The following DNAH5 variants were observed in gnomAD, a reference collection of about 807,000 sequenced individuals.
The protein encoded by DNAH5 is axonemal beta dynein heavy chain 5.
A neutral mutation model predicts 518.2 loss-of-function variants in DNAH5; 372 were observed. That is an observed-to-expected ratio of 0.72 (90% CI 0.66 to 0.78). The LOEUF is 0.78. DNAH5 is among the 30% of genes least tolerant of loss of function. The probability of loss-of-function intolerance (pLI) is 0.00; values close to 1 mark genes in which losing one functional copy is unlikely to be tolerated. For missense variants in DNAH5, 5,523 were observed against 5,687.0 expected, an observed-to-expected ratio of 0.97 and a Z score of 0.93; for synonymous variants, 2,039 against 2,025.9, an observed-to-expected ratio of 1.01 and a Z score of -0.17.
chr5:13,728,968 G>A (rs1162822252), intron 69 of DNAH5, among the ~76,000 whole-genome samples: 1 of 152,060 alleles, frequency 6.6e-6, no homozygotes, highest in South Asian at 2.1e-4. Context: ...TCATACCCAG[G>A]TGCCTAACTA....
At chr5:13,977,113 A>G (rs1782318241) in intron 1 of DNAH5, among the ~76,000 whole-genome samples, 2 of 152,200 alleles carry the variant, frequency 1.3e-5, no homozygotes, top group Admixed American at 6.5e-5. Flanking sequence ...ATGTTTCATT[A>G]CAGTGTCACT....
intron 65 of DNAH5, among the ~76,000 whole-genome samples, chr5:13,745,121 C>T (rs908341173): frequency 3.9e-5 from 6 of 152,058 alleles, no homozygotes; most frequent in African/African-American, 1.4e-4. Flanking sequence ...CCAGCAGGAG[C>T]TATTGATCAA....
intron 1 of DNAH5, among the ~76,000 whole-genome samples, chr5:13,955,811 T>C (rs966625419): frequency 6.6e-6 from 1 of 152,078 alleles, no homozygotes; most frequent in African/African-American, 2.4e-5. Flanking sequence ...CTAATTAGAG[T>C]TTATATTTCC....
intron 44 of DNAH5, among the ~76,000 whole-genome samples, chr5:13,810,681 G>T (rs1397026955): frequency 6.6e-6 from 1 of 151,914 alleles, no homozygotes. Context: ...GTGAACTTGG[G>T]AGGCGGAGCT....
chr5:13,840,831 G>T, intron 34 of DNAH5, 75 bp downstream of exon 34: 1 of 1,220,764 alleles, frequency 8.2e-7, no homozygotes, highest in Non-Finnish European at 1.2e-6. Context: ...AATCAAACTA[G>T]TTCTACTGGG....
In DNAH5 at chr5:13,864,425, G is replaced by C; in HGVS notation, c.4568C>G (p.Pro1523Arg). ...SFKLRNIMEAPLLKYKEEIED... is the reference protein window; with the variant it reads ...SFKLRNIMEARLLKYKEEIED... ...TATTTCCTCTTTATATTTCAGAAGA[G>C]GTGCCTCCATGATATTTCTTAACTT... Residue 1523 changes from proline (P) to arginine (R), a missense_variant, in exon 28 of 79, where the codon CCT becomes CGT. Pro to Arg is a moderately radical substitution (Grantham distance 103, BLOSUM62 -2). Coordinates refer to ENST00000265104, the MANE Select transcript of DNAH5 (RefSeq NM_001369.3). 1 of 1,614,078 alleles carries C rather than the reference G, an allele frequency of 6.2e-7. No homozygotes were observed. The highest frequency in any genetic ancestry group is 1.3e-5 in the African/African-American group (1 of 75,018).
intron 55 of DNAH5, chr5:13,771,321 A>G (rs1753309142): frequency 3.1e-6 from 1 of 319,378 alleles, no homozygotes; most frequent in Admixed American, 4.6e-5. Flanking sequence ...AATAACTCAG[A>G]AATCAGTGCC....
chr5:13,934,859 T>G (rs1322249061), intron 1 of DNAH5, among the ~76,000 whole-genome samples: 1 of 152,238 alleles, frequency 6.6e-6, no homozygotes, highest in Admixed American at 6.5e-5. Flanking sequence ...AACAAACATG[T>G]TAGTTCATTC....
At chr5:13,732,157 A>T (rs1323723161) in intron 68 of DNAH5, among the ~76,000 whole-genome samples, 1 of 150,692 alleles carries the variant, frequency 6.6e-6, no homozygotes, top group Non-Finnish European at 1.5e-5. Context: ...TGTTGTGGCT[A>T]TTGGGCTTAA....
Position 13,867,972 on chromosome 5 carries a change from G to C in DNAH5, c.3855C>G (p.Asn1285Lys), listed in dbSNP as rs1769528229. The C allele has an allele frequency of 6.2e-7, 1 of 1,611,920 alleles. No homozygotes were observed. The highest frequency in any genetic ancestry group is 2.2e-5 in the East Asian group (1 of 44,826). The stretch of plus-strand genomic sequence containing the variant: ...CCCTTGCTATCAGAAGTCCATATCT[G>C]TTAAGCAGGGCATAAGATTCCTAAA... ...GPIEESYALL[N>K]RYGLLIAREE... Residue 1285 changes from asparagine (N) to lysine (K), a missense_variant, in exon 25 of 79, where the codon AAC becomes AAG. Coordinates refer to ENST00000265104, the MANE Select transcript of DNAH5 (RefSeq NM_001369.3).
intron 1 of DNAH5, among the ~76,000 whole-genome samples, chr5:13,996,273 G>A (rs1393071258): frequency 2.6e-5 from 4 of 152,058 alleles, no homozygotes; most frequent in African/African-American, 9.7e-5. Context: ...CAAGAATTTT[G>A]GAGGGACACA....
intron 76 of DNAH5, among the ~76,000 whole-genome samples, chr5:13,706,163 T>G (rs926282697): frequency 3.9e-5 from 6 of 152,194 alleles, no homozygotes; most frequent in Non-Finnish European, 7.3e-5. Flanking sequence ...TTGAAGCCAG[T>G]TGGAGGCGAT....
At chr5:13,830,334 CA>C in intron 36 of DNAH5, 121 bp from the exon 37 acceptor site, 1 of 1,013,068 alleles carries the variant, frequency 9.9e-7, no homozygotes, top group Non-Finnish European at 1.5e-6. Flanking sequence ...TAAAGTGCAA[CA>C]AATAGATCTA....
At chr5:13,956,986 C>T (rs181599313) in intron 1 of DNAH5, among the ~76,000 whole-genome samples, 64 of 152,272 alleles carry the variant, frequency 4.2e-4, no homozygotes, top group African/African-American at 1.4e-3. Context: ...ATCTACAGTC[C>T]ATGAAAACAA....
rs1330486979 is a variant in DNAH5, at chr5:13,901,196, AG to A, written c.2052+55del. ...TAAAGAAATAACACTGTCAAATGCT[AG>A]AAGAGGGGTTCCCATGATTCCAACA... On this transcript the variant is annotated intron_variant, in intron 14 of 78. Coordinates refer to ENST00000265104, the MANE Select transcript of DNAH5 (RefSeq NM_001369.3). 23 of 1,563,234 alleles carry A rather than the reference AG, an allele frequency of 1.5e-5. 1 individual carries two copies. The African/African-American group carries it at 2.8e-4, about 19-fold the overall frequency.
At chr5:13,700,548 A>T in intron 78 of DNAH5, 92 bp downstream of exon 78, 1 of 1,257,740 alleles carries the variant, frequency 8.0e-7, no homozygotes, top group Non-Finnish European at 1.2e-6. Context: ...CAAAATCTCT[A>T]CTACATGATA....
At chr5:13,768,314 C>T (rs1400295565) in intron 58 of DNAH5, among the ~76,000 whole-genome samples, 1 of 152,156 alleles carries the variant, frequency 6.6e-6, no homozygotes, top group Admixed American at 6.6e-5. Context: ...CTCTCTCCCG[C>T]CATCTTGTGA....
chr5:13,716,935 A>G (rs1744366591), intron 73 of DNAH5, among the ~76,000 whole-genome samples: 1 of 152,206 alleles, frequency 6.6e-6, no homozygotes, highest in African/African-American at 2.4e-5. Flanking sequence ...CAATATAAAT[A>G]GAAAATAGTG....
chr5:13,881,932 A>G (rs1426459223), intron 21 of DNAH5, among the ~76,000 whole-genome samples: 3 of 152,120 alleles, frequency 2.0e-5, no homozygotes, highest in Non-Finnish European at 4.4e-5. Flanking sequence ...ACAAATCCTT[A>G]GCTAGACTAA....
Sources: allele counts gnomAD v4.1 joint callset (sites outside exome capture counted in the v4.1 genomes callset), GRCh38; gene constraint gnomAD v4.1.1; transcripts MANE v1.5; gene names NCBI Gene and HGNC (gene_info 2026-07-23, HGNC 2026-07-21).